VTI1A: variants seen among roughly 807,000 people sequenced by gnomAD.
VTI1A encodes vesicle transport through interaction with t-SNAREs 1A.
VTI1A carries 22 observed loss-of-function variants against 34.9 expected under a neutral mutation model. That is an observed-to-expected ratio of 0.63 (90% confidence interval 0.45 to 0.90). The LOEUF is 0.90. Among genes scored for constraint, VTI1A ranks in the 40% least tolerant of loss-of-function variants. The pLI, the probability that VTI1A is intolerant of heterozygous loss-of-function variation, is 0.00. For synonymous variants in VTI1A, 87 were observed against 97.3 expected, an observed-to-expected ratio of 0.89 and a Z score of 0.62; for missense variants, 268 against 275.6, an observed-to-expected ratio of 0.97 and a Z score of 0.20.
At chr10:112,530,304 T>C (rs1350769709) in intron 4 of VTI1A, among the ~76,000 whole-genome samples, 1 of 152,212 alleles carries the variant, frequency 6.6e-6, no homozygotes, top group African/African-American at 2.4e-5. Context: ...AATACCGTAT[T>C]TACCATTCCA....
intron 7 of VTI1A, among the ~76,000 whole-genome samples, chr10:112,677,184 G>A (rs1380225505): frequency 1.3e-5 from 2 of 152,126 alleles, no homozygotes; most frequent in African/African-American, 2.4e-5. Context: ...GAATCCGAGA[G>A]CTTTTTTCCG....
chr10:112,455,876 A>AT (rs1056102997), intron 1 of VTI1A, among the ~76,000 whole-genome samples: 4 of 152,132 alleles, frequency 2.6e-5, no homozygotes, highest in African/African-American at 9.6e-5. Context: ...CAATTTAATT[A>AT]TTTTTTTCGT....
intron 7 of VTI1A, among the ~76,000 whole-genome samples, chr10:112,696,712 A>G (rs148976574): frequency 1.9e-3 from 284 of 152,304 alleles, no homozygotes; most frequent in African/African-American, 6.7e-3. Flanking sequence ...AATAATCACC[A>G]TCACTTTGTC....
At chr10:112,827,226 C>G in the VTI1A span, 3 of 152,220 alleles carry the variant, frequency 2.0e-5, no homozygotes, top group African/African-American at 7.2e-5. Flanking sequence ...ATTAATCGCT[C>G]TTCTCCGTGT....
intron 3 of VTI1A, among the ~76,000 whole-genome samples, chr10:112,513,288 T>C (rs528548349): frequency 3.9e-5 from 6 of 152,234 alleles, no homozygotes; most frequent in African/African-American, 1.4e-4. Context: ...TGTTTAATTT[T>C]TTGTTGCTAT....
At chr10:112,565,033 C>T (rs889021006) in intron 5 of VTI1A, among the ~76,000 whole-genome samples, 1 of 152,080 alleles carries the variant, frequency 6.6e-6, no homozygotes, top group Non-Finnish European at 1.5e-5. Context: ...ACAGCTCCCC[C>T]TCTTATATTT....
chr10:112,591,765 A>G (rs1317011539), intron 5 of VTI1A, among the ~76,000 whole-genome samples: 2 of 152,144 alleles, frequency 1.3e-5, no homozygotes, highest in Admixed American at 6.5e-5. Context: ...CCTTCCAAAT[A>G]TGTCCATGCC....
intron 5 of VTI1A, among the ~76,000 whole-genome samples, chr10:112,592,441 A>G (rs1193623389): frequency 1.3e-5 from 2 of 152,212 alleles, no homozygotes; most frequent in Non-Finnish European, 2.9e-5. Flanking sequence ...CCTCTCCTCC[A>G]TAAAGGCTTC....
In VTI1A at chr10:112,544,556, C is replaced by T. The variant is rs116917727; in HGVS notation, c.427+6226C>T. On this transcript the variant is annotated intron_variant, in intron 5 of 7. Coordinates refer to ENST00000393077, the MANE Select transcript of VTI1A (RefSeq NM_145206.4). ...CAAGACCATTTTGGATAGCAGTAAA[C>T]GACGCGAGGTATTCAAGAGTAACGG... Among the ~76,000 whole-genome samples the T allele has an allele frequency of 1.4e-3, 205 of 151,610 alleles. 2 individuals carry two copies. The highest frequency in any genetic ancestry group is 0.011 in the East Asian group (56 of 5,150).
Position 112,792,908 on chromosome 10 carries a change from A to T in VTI1A, c.561-22382A>T, listed in dbSNP as rs76486322. On this transcript the variant is annotated intron_variant, in intron 7 of 7. Coordinates refer to ENST00000393077, the MANE Select transcript of VTI1A (RefSeq NM_145206.4). ...TCAGTCTTTTCAAAATGCTGATCAGATTATGCTTTCAGTTGTTAATTGGTG... is the reference window on the plus strand; with the variant it reads ...TCAGTCTTTTCAAAATGCTGATCAGTTTATGCTTTCAGTTGTTAATTGGTG... 2.0e-5 allele frequency among the ~76,000 whole-genome samples: 3 copies of T among 152,296 alleles called. No homozygotes were observed. The East Asian group carries it at 5.8e-4, about 29-fold the overall frequency.
At chr10:112,583,275 A>G (rs1844020696) in intron 5 of VTI1A, among the ~76,000 whole-genome samples, 1 of 152,146 alleles carries the variant, frequency 6.6e-6, no homozygotes, top group Non-Finnish European at 1.5e-5. Flanking sequence ...CCGGATAACA[A>G]CTTCGGTTTG....
In VTI1A at chr10:112,767,716, A is replaced by G. The variant is rs1375779503; in HGVS notation, c.561-47574A>G. ...TTTTCTGTTTCTCTGTATTCTCCCA[A>G]TTTTCTTGGTTGCGATGAAAAAATA... On this transcript the variant is annotated intron_variant, in intron 7 of 7. Transcript: ENST00000393077. The surrounding 1 kb of genome is among the most constrained non-coding windows in gnomAD (Gnocchi z 4.0). Among the ~76,000 whole-genome samples, 6 of 150,742 alleles carry G rather than the reference A, an allele frequency of 4.0e-5. No individual in the cohort carries two copies. Among genetic ancestry groups the G allele is most frequent in the African/African-American group, 9.8e-5 (4 of 40,874 alleles).
intron 7 of VTI1A, among the ~76,000 whole-genome samples, chr10:112,798,875 A>G (rs1395852526): frequency 1.3e-5 from 2 of 152,302 alleles, no homozygotes; most frequent in African/African-American, 2.4e-5. Flanking sequence ...AACACGCTGC[A>G]TAGAAAATGC....
intron 7 of VTI1A, among the ~76,000 whole-genome samples, chr10:112,747,773 G>A (rs1461101330): frequency 6.6e-6 from 1 of 152,150 alleles, no homozygotes; most frequent in African/African-American, 2.4e-5. Context: ...TCTTCCTTCT[G>A]GCAAACTCAG....
chr10:112,495,196 CTTTTT>C (rs751870581), intron 3 of VTI1A, among the ~76,000 whole-genome samples: 2 of 79,054 alleles, frequency 2.5e-5, no homozygotes, highest in Middle Eastern at 8.2e-3. Flanking sequence ...CAGTAATGGT[CTTTTT>C]TTTTTTTTTT....
the VTI1A span, among the ~76,000 whole-genome samples, chr10:112,846,586 G>A: frequency 6.6e-6 from 1 of 152,100 alleles, no homozygotes; most frequent in African/African-American, 2.4e-5. Context: ...CCAACATGGT[G>A]AAACCCCGTC....
At chr10:112,641,213 T>C (rs1259223432) in intron 5 of VTI1A, among the ~76,000 whole-genome samples, 3 of 152,156 alleles carry the variant, frequency 2.0e-5, no homozygotes, top group Non-Finnish European at 4.4e-5. Context: ...GCTTTCTCTC[T>C]GATCATGCAG....
At chr10:112,712,149 C>G (rs1328356252) in intron 7 of VTI1A, among the ~76,000 whole-genome samples, 2 of 152,168 alleles carry the variant, frequency 1.3e-5, no homozygotes, top group Non-Finnish European at 2.9e-5. Context: ...CCATCCTCTT[C>G]AGATATATCC....
intron 7 of VTI1A, among the ~76,000 whole-genome samples, chr10:112,681,605 A>G (rs1469148389): frequency 1.3e-5 from 2 of 152,200 alleles, no homozygotes; most frequent in Non-Finnish European, 2.9e-5. Flanking sequence ...GAAATCACCT[A>G]ATAAGATCTA....
Sources: gnomAD v4.1 joint callset for allele counts (sites outside exome capture counted in the v4.1 genomes callset) on GRCh38, gnomAD v4.1.1 for gene constraint, Gnocchi (gnomAD v3.1) non-coding constraint, MANE v1.5 for transcripts, NCBI Gene and HGNC (gene_info 2026-07-23, HGNC 2026-07-21) for gene names.